Variants in DDX10 observed in about 807,000 individuals in gnomAD.
DDX10 encodes the protein DEAD-box helicase 10.
A neutral mutation model predicts 104.3 loss-of-function variants in DDX10; 74 were observed. The ratio of observed to expected loss-of-function variants is 0.71; its 90% CI spans 0.59 to 0.86. The LOEUF (loss-of-function observed/expected upper bound fraction) is 0.86. Ranked by LOEUF, DDX10 falls within the 40% of genes least tolerant of loss-of-function variation. DDX10 has a pLI of 0.00. For synonymous variants in DDX10, 351 were observed against 353.4 expected, an observed-to-expected ratio of 0.99 and a Z score of 0.08; for missense variants, 952 against 1,040.0, an observed-to-expected ratio of 0.92 and a Z score of 1.16.
intron 13 of DDX10, among the ~76,000 whole-genome samples, chr11:108,779,137 C>T (rs2094374357): frequency 1.3e-5 from 2 of 152,172 alleles, no homozygotes; most frequent in African/African-American, 2.4e-5. Flanking sequence ...GGTGATTCCT[C>T]AGGGATCTAG....
chr11:108,680,596 G>A (rs2094233521), intron 6 of DDX10, among the ~76,000 whole-genome samples: 1 of 152,154 alleles, frequency 6.6e-6, no homozygotes, highest in Non-Finnish European at 1.5e-5. Flanking sequence ...AGACTTCCAG[G>A]AGAAATGTTT....
At chr11:108,751,080 C>T (rs944397253) in intron 13 of DDX10, among the ~76,000 whole-genome samples, 1 of 150,906 alleles carries the variant, frequency 6.6e-6, no homozygotes, top group Non-Finnish European at 1.5e-5. Context: ...AACTCCTGGC[C>T]CCTAATTATG....
At chr11:108,765,217 T>C (rs985973687) in intron 13 of DDX10, among the ~76,000 whole-genome samples, 4 of 152,130 alleles carry the variant, frequency 2.6e-5, no homozygotes, top group African/African-American at 9.7e-5. Context: ...TTGCTTAAAA[T>C]TGATGGAGGT....
intron 16 of DDX10, among the ~76,000 whole-genome samples, chr11:108,874,296 C>T (rs1863121455): frequency 6.6e-6 from 1 of 152,130 alleles, no homozygotes; most frequent in Non-Finnish European, 1.5e-5. Flanking sequence ...AATGAGCCCC[C>T]TCATGAGGGA....
intron 9 of DDX10, among the ~76,000 whole-genome samples, chr11:108,697,284 T>C (rs891084607): frequency 6.6e-6 from 1 of 151,192 alleles, no homozygotes; most frequent in African/African-American, 2.4e-5. Context: ...TAAAGATAAT[T>C]AGAAAGTTTT....
At position 108,758,195 on chromosome 11, in the gene DDX10, T is replaced by C. The variant is rs530573869; in HGVS notation, c.1965+34733T>C. On this transcript the variant is annotated intron_variant, in intron 13 of 17. Transcript: ENST00000322536. ...GAGGGGTGAAGCTATAGGTTATACT[T>C]TTTGTATTCTCATCACCTACTACAG... Among the ~76,000 whole-genome samples, 4 of 152,112 alleles carry C rather than the reference T, an allele frequency of 2.6e-5. No homozygotes were observed. In the South Asian group the frequency reaches 8.3e-4, roughly 32 times the overall value.
intron 16 of DDX10, among the ~76,000 whole-genome samples, chr11:108,882,478 A>G (rs1024305169): frequency 6.6e-6 from 1 of 152,200 alleles, no homozygotes; most frequent in Non-Finnish European, 1.5e-5. Context: ...GAGCTCAGCA[A>G]TCTGTTTGAC....
intron 1 of DDX10, among the ~76,000 whole-genome samples, chr11:108,667,410 CT>C (rs1217176165): frequency 6.6e-6 from 1 of 152,222 alleles, no homozygotes; most frequent in African/African-American, 2.4e-5. Context: ...CTCACAGTTA[CT>C]TTTAGAAAAA....
intron 13 of DDX10, among the ~76,000 whole-genome samples, chr11:108,779,295 T>C (rs1156476661): frequency 6.6e-6 from 1 of 152,184 alleles, no homozygotes; most frequent in South Asian, 2.1e-4. Context: ...CCCAAATGTC[T>C]ATCAATGATA....
intron 17 of DDX10, among the ~76,000 whole-genome samples, chr11:108,923,355 G>T (rs1016421326): frequency 6.6e-6 from 1 of 152,158 alleles, no homozygotes; most frequent in African/African-American, 2.4e-5. Context: ...ATTTCAAATA[G>T]TCCATACAAT....
intron 16 of DDX10, among the ~76,000 whole-genome samples, chr11:108,869,358 T>A (rs1344886894): frequency 6.6e-6 from 1 of 152,152 alleles, no homozygotes; most frequent in African/African-American, 2.4e-5. Flanking sequence ...GAGAAAGCAT[T>A]TTTCATTGTT....
intron 13 of DDX10, among the ~76,000 whole-genome samples, chr11:108,774,033 T>A (rs977955274): frequency 6.6e-6 from 1 of 152,210 alleles, no homozygotes; most frequent in African/African-American, 2.4e-5. Flanking sequence ...TAGAGCAAAG[T>A]GCTCTTATGA....
chr11:108,915,791 TC>T (rs1322204206), intron 16 of DDX10, among the ~76,000 whole-genome samples: 4 of 152,210 alleles, frequency 2.6e-5, no homozygotes, highest in African/African-American at 9.6e-5. Context: ...CTGAAAAGGT[TC>T]TATTACTCTT....
At chr11:108,906,346 G>A (rs1863596423) in intron 16 of DDX10, among the ~76,000 whole-genome samples, 2 of 152,194 alleles carry the variant, frequency 1.3e-5, no homozygotes, top group South Asian at 2.1e-4. Flanking sequence ...AGAATTTAGA[G>A]AAAGCAGGAG....
intron 13 of DDX10, among the ~76,000 whole-genome samples, chr11:108,735,319 A>C (rs897452629): frequency 6.6e-6 from 1 of 152,216 alleles, no homozygotes; most frequent in Non-Finnish European, 1.5e-5. Context: ...GCTGTGTGCT[A>C]GGCATTGAGA....
intron 9 of DDX10, among the ~76,000 whole-genome samples, chr11:108,694,840 C>T (rs554529278): frequency 3.3e-5 from 5 of 152,226 alleles, no homozygotes; most frequent in East Asian, 1.9e-4. Context: ...GAGATCGCAC[C>T]ACTGCATTCC....
chr11:108,786,382 C>T (rs1366541390), intron 13 of DDX10, among the ~76,000 whole-genome samples: 2 of 150,232 alleles, frequency 1.3e-5, no homozygotes, highest in South Asian at 2.1e-4. Context: ...GTTCAAGTAT[C>T]GAGTTTAAGT....
At position 108,724,423 on chromosome 11, in the gene DDX10, T is replaced by A. The variant is rs74725186; in HGVS notation, c.1965+961T>A. 4.6e-5 allele frequency among the ~76,000 whole-genome samples: 7 copies of A among 151,948 alleles called. No individual in the cohort carries two copies. The Middle Eastern group carries it at 0.014, about 295-fold the overall frequency. ...CATTATACAGGTGACGGAAAAAAAA[T>A]AACTGTGGCACAGAAGCAATATAGT... On this transcript the variant is annotated intron_variant, in intron 13 of 17. Coordinates refer to ENST00000322536, the MANE Select transcript of DDX10 (RefSeq NM_004398.4).
intron 16 of DDX10, among the ~76,000 whole-genome samples, chr11:108,915,685 T>C (rs1226590538): frequency 2.0e-5 from 3 of 152,170 alleles, no homozygotes; most frequent in African/African-American, 7.2e-5. Context: ...AAAAAGTTCA[T>C]TGATATGGTT....
Sources: gnomAD v4.1 joint callset for allele counts (sites outside exome capture counted in the v4.1 genomes callset) on GRCh38, gnomAD v4.1.1 for gene constraint, MANE v1.5 for transcripts, NCBI Gene and HGNC (gene_info 2026-07-23, HGNC 2026-07-21) for gene names.